Variants in ATP9B observed in about 807,000 individuals in gnomAD.
The protein encoded by ATP9B is probable phospholipid-transporting ATPase IIB.
ATP9B carries 110 observed loss-of-function variants against 146.1 expected under a neutral mutation model. That is an observed-to-expected ratio of 0.75 (90% CI 0.65 to 0.88). The LOEUF is 0.88. ATP9B is among the 40% of genes least tolerant of loss of function. The pLI is 0.00. For synonymous variants in ATP9B, 604 were observed against 569.7 expected, an observed-to-expected ratio of 1.06 and a Z score of -0.86; for missense variants, 1,499 against 1,496.4, an observed-to-expected ratio of 1.00 and a Z score of -0.03.
intron 1 of ATP9B, 80 bp downstream of exon 1, chr18:79,069,609 C>T (rs976649783): frequency 8.4e-5 from 82 of 977,062 alleles, no homozygotes; most frequent in Non-Finnish European, 1.1e-4. Context: ...CGGAGCCGGG[C>T]GGGTCTGGGG....
At position 79,134,243 on chromosome 18, in the gene ATP9B, T is replaced by G. The variant is rs117862067; in HGVS notation, c.667+7868T>G. Among the ~76,000 whole-genome samples the G allele has an allele frequency of 4.6e-3, 700 of 152,336 alleles. 2 individuals are homozygous for G. Among genetic ancestry groups the G allele is most frequent in the Non-Finnish European group, 7.8e-3 (534 of 68,028 alleles). On this transcript the variant is annotated intron_variant, in intron 5 of 29. Transcript: ENST00000426216. The stretch of plus-strand genomic sequence containing the variant: ...CTGTCTGGTGGTTCTTGTTCTGTCC[T>G]GTACTGTTTGGCCACTTCCTACTCA...
intron 12 of ATP9B, among the ~76,000 whole-genome samples, chr18:79,261,761 A>G (rs914891527): frequency 2.0e-5 from 3 of 152,134 alleles, no homozygotes; most frequent in African/African-American, 7.2e-5. Flanking sequence ...CTCCATGGCT[A>G]CTGTTTTGCT....
chr18:79,109,400 G>C (rs2075856044), intron 2 of ATP9B, among the ~76,000 whole-genome samples: 1 of 152,094 alleles, frequency 6.6e-6, no homozygotes, highest in Admixed American at 6.5e-5. Context: ...AAGGGGAAGA[G>C]TTGTGCTCCT....
At chr18:79,312,654 G>A (rs182836407) in intron 15 of ATP9B, among the ~76,000 whole-genome samples, 3 of 152,318 alleles carry the variant, frequency 2.0e-5, no homozygotes, top group Non-Finnish European at 4.4e-5. Context: ...AAGATGGTGC[G>A]GGGAGCTACT....
chr18:79,215,657 G>C (rs1315566478), intron 11 of ATP9B, among the ~76,000 whole-genome samples: 2 of 152,106 alleles, frequency 1.3e-5, no homozygotes, highest in South Asian at 2.1e-4. Context: ...TTTCTGATAA[G>C]TGCTATGTTA....
intron 13 of ATP9B, among the ~76,000 whole-genome samples, chr18:79,293,858 G>A (rs2096528501): frequency 6.6e-6 from 1 of 152,142 alleles, no homozygotes; most frequent in African/African-American, 2.4e-5. Context: ...TCAACTAAAT[G>A]CATAAATGCG....
chr18:79,360,491 C>G (rs1035757591), intron 26 of ATP9B: 1 of 151,878 alleles, frequency 6.6e-6, no homozygotes, highest in Admixed American at 6.6e-5. Flanking sequence ...TCCTGTCTGT[C>G]TAACTAGTAA....
rs1568195483 is a variant in ATP9B at position 79,110,342 on chromosome 18, T to C, written c.294-13T>C. On this transcript the variant is annotated splice_polypyrimidine_tract_variant and intron_variant, in intron 2 of 29. Transcript: ENST00000426216. The stretch of plus-strand genomic sequence containing the variant: ...AAAAAAAATACACAATACGTATCTT[T>C]TGTTTCATACAGTTGCTGTGGTTGG... 2 of 1,561,252 alleles carry C rather than the reference T, an allele frequency of 1.3e-6. No homozygotes were observed. Among genetic ancestry groups the C allele is most frequent in the East Asian group, 4.6e-5 (2 of 43,620 alleles).
chr18:79,328,096 A>C (rs2096770257), intron 15 of ATP9B, among the ~76,000 whole-genome samples: 1 of 147,778 alleles, frequency 6.8e-6, no homozygotes, highest in African/African-American at 2.5e-5. Flanking sequence ...CTCTGTGGTT[A>C]GCGTGCTCTC....
At chr18:79,377,217 C>T (rs1186504512) in intron 29 of ATP9B, 30 bp from the exon 30 acceptor site, 3 of 1,608,854 alleles carry the variant, frequency 1.9e-6, no homozygotes, top group Admixed American at 1.7e-5. Flanking sequence ...TTGGTCAGCT[C>T]TTACCTTTTT....
chr18:79,173,040 T>C (rs776606222), intron 7 of ATP9B, among the ~76,000 whole-genome samples: 1 of 152,218 alleles, frequency 6.6e-6, no homozygotes, highest in Non-Finnish European at 1.5e-5. Flanking sequence ...CGATGTTTGA[T>C]GGAAGCGGTG....
At chr18:79,196,666 C>CGTCT (rs2095420735) in intron 9 of ATP9B, among the ~76,000 whole-genome samples, 1 of 152,174 alleles carries the variant, frequency 6.6e-6, no homozygotes, top group South Asian at 2.1e-4. Flanking sequence ...AAAAATTAGA[C>CGTCT]AACAGTTGAT....
At chr18:79,160,754 G>GTGTTTGTTTGTT (rs148998603) in intron 7 of ATP9B, among the ~76,000 whole-genome samples, 1 of 151,832 alleles carries the variant, frequency 6.6e-6, no homozygotes, top group Non-Finnish European at 1.5e-5. Context: ...GGGTTTGTTT[G>GTGTTTGTTTGTT]TGTTTGTTTG....
rs373923163 is a variant in ATP9B at position 79,377,329 on chromosome 18, C to G, written c.3390C>G (p.Leu1130=). The G allele has an allele frequency of 3.3e-5, 54 of 1,611,974 alleles. No homozygotes were observed. The African/African-American group carries it at 6.4e-4, about 19-fold the overall frequency. Residue 1130 remains leucine (L), a synonymous_variant, in exon 30 of 30, where the codon CTC becomes CTG. Transcript: ENST00000426216. The part of the protein sequence containing the change: ...TVVSCLPLYV[L]KYLRRKLSPP... Reference sequence around the variant, plus strand: ...TCAGCTGCCTCCCGCTGTATGTCCTCAAGTACCTGAGGCGCAAGCTCTCTC... The same window carrying G: ...TCAGCTGCCTCCCGCTGTATGTCCTGAAGTACCTGAGGCGCAAGCTCTCTC...
chr18:79,326,575 G>A (rs1362714640), intron 15 of ATP9B, among the ~76,000 whole-genome samples: 3 of 151,058 alleles, frequency 2.0e-5, no homozygotes, highest in East Asian at 3.9e-4. Context: ...TGTCATCTCT[G>A]TACCCTCCCT....
intron 7 of ATP9B, among the ~76,000 whole-genome samples, chr18:79,169,889 G>A (rs73971386): frequency 1.3e-5 from 2 of 152,128 alleles, no homozygotes; most frequent in African/African-American, 2.4e-5. Context: ...TTGAAAGGCT[G>A]TTTACCTATT....
At chr18:79,375,550 T>C in intron 29 of ATP9B, 124 bp downstream of exon 29, 1 of 1,500,122 alleles carries the variant, frequency 6.7e-7, no homozygotes, top group East Asian at 2.4e-5. Context: ...AACTCTCTGA[T>C]GTCACGTAAA....
intron 13 of ATP9B, among the ~76,000 whole-genome samples, chr18:79,301,940 C>G (rs530479109): frequency 1.3e-5 from 2 of 152,322 alleles, no homozygotes; most frequent in South Asian, 2.1e-4. Flanking sequence ...ATGGAAGGCT[C>G]TGAGCCAGCT....
intron 8 of ATP9B, among the ~76,000 whole-genome samples, chr18:79,189,783 T>C (rs2095345455): frequency 6.6e-6 from 1 of 152,268 alleles, no homozygotes; most frequent in African/African-American, 2.4e-5. Flanking sequence ...ACTTAGCAGC[T>C]CAGTTTTTTC....
Sources: allele counts gnomAD v4.1 joint callset (sites outside exome capture counted in the v4.1 genomes callset), GRCh38; gene constraint gnomAD v4.1.1; transcripts MANE v1.5; gene names NCBI Gene and HGNC (gene_info 2026-07-23, HGNC 2026-07-21).